Variants in MACROD2 observed in about 807,000 individuals in gnomAD.
MACROD2 encodes ADP-ribose glycohydrolase MACROD2.
Under a neutral mutation model 70.4 loss-of-function variants are expected in MACROD2, and 36 were observed. That is an observed-to-expected ratio of 0.51 (90% CI 0.39 to 0.68). The LOEUF (loss-of-function observed/expected upper bound fraction) is 0.68. Among genes scored for constraint, MACROD2 ranks in the 30% least tolerant of loss-of-function variants. The pLI is 0.00. For synonymous variants in MACROD2, 172 were observed against 178.8 expected (o/e 0.96, Z 0.30); for missense variants, 496 against 538.4 (o/e 0.92, Z 0.78).
chr20:14,274,836 A>T (rs2122373426), intron 3 of MACROD2, among the ~76,000 whole-genome samples: 1 of 151,172 alleles, frequency 6.6e-6, no homozygotes, highest in African/African-American at 2.4e-5. Context: ...AATCACAAGC[A>T]TTCTTATACA....
chr20:14,555,035 A>G (rs1054780358), intron 4 of MACROD2, among the ~76,000 whole-genome samples: 3 of 151,970 alleles, frequency 2.0e-5, no homozygotes, highest in African/African-American at 7.2e-5. Flanking sequence ...AATGAATAAG[A>G]CATACTGTTT....
intron 3 of MACROD2, among the ~76,000 whole-genome samples, chr20:14,189,538 TA>T (rs1286232058): frequency 6.6e-6 from 1 of 152,192 alleles, no homozygotes. Flanking sequence ...TTTAAGGTTA[TA>T]GGGGTTTAAA....
chr20:14,563,313 G>A (rs1057494711), intron 4 of MACROD2, among the ~76,000 whole-genome samples: 1 of 151,824 alleles, frequency 6.6e-6, no homozygotes, highest in African/African-American at 2.4e-5. Context: ...AATATGCAGG[G>A]GAGAAAGAAC....
chr20:15,754,739 T>A (rs1195867887), intron 8 of MACROD2, among the ~76,000 whole-genome samples: 2 of 151,636 alleles, frequency 1.3e-5, no homozygotes, highest in African/African-American at 4.8e-5. Context: ...AGTGGCATGT[T>A]GTTGCCCTGG....
chr20:15,988,425 T>G (rs926920488), intron 15 of MACROD2, among the ~76,000 whole-genome samples: 15 of 152,162 alleles, frequency 9.9e-5, no homozygotes, highest in African/African-American at 3.6e-4. Context: ...TTGTTGGCTC[T>G]GTTTATTGCA....
chr20:15,872,051 C>T (rs1265711985), intron 9 of MACROD2, among the ~76,000 whole-genome samples: 1 of 152,132 alleles, frequency 6.6e-6, no homozygotes, highest in Non-Finnish European at 1.5e-5. Flanking sequence ...AGCTCAAATC[C>T]TTTCCACTCC....
rs568153563 is a variant in MACROD2, at chr20:14,382,883, TA to T, written c.272-110588del. Among the ~76,000 whole-genome samples the T allele has an allele frequency of 2.6e-3, 402 of 151,990 alleles. 1 individual carries two copies. The highest frequency in any genetic ancestry group is 4.7e-3 in the Non-Finnish European group (320 of 67,916). ...GTAGTGCTATATTTGTTATCTTGCT[TA>T]AAAAAAATTGCATTTAACTGTCGTA... On this transcript the variant is annotated intron_variant, in intron 3 of 17. Transcript: ENST00000684519.
At chr20:15,722,951 T>C (rs551236137) in intron 8 of MACROD2, among the ~76,000 whole-genome samples, 2 of 152,312 alleles carry the variant, frequency 1.3e-5, no homozygotes, top group African/African-American at 4.8e-5. Flanking sequence ...TATCCAGTTG[T>C]CCCATTGATA....
intron 3 of MACROD2, among the ~76,000 whole-genome samples, chr20:14,210,340 G>A (rs903443141): frequency 6.6e-6 from 1 of 152,214 alleles, no homozygotes; most frequent in Non-Finnish European, 1.5e-5. Flanking sequence ...ATCCACATGT[G>A]CAGCTAAAAG....
chr20:14,996,687 T>C (rs1162404164), intron 5 of MACROD2, among the ~76,000 whole-genome samples: 2 of 152,024 alleles, frequency 1.3e-5, no homozygotes, highest in Non-Finnish European at 2.9e-5. Flanking sequence ...AATTTGTGCT[T>C]GGGAAAAGGA....
chr20:15,757,049 TGTCTC>T (rs528883920), intron 8 of MACROD2, among the ~76,000 whole-genome samples: 2 of 152,248 alleles, frequency 1.3e-5, no homozygotes, highest in South Asian at 4.1e-4. Context: ...GCATTGCTCT[TGTCTC>T]AGTTTCTTCA....
chr20:14,260,253 A>T (rs764082597), intron 3 of MACROD2, among the ~76,000 whole-genome samples: 1 of 152,192 alleles, frequency 6.6e-6, no homozygotes, highest in Non-Finnish European at 1.5e-5. Context: ...ATTTGTGTAT[A>T]GTGAGTATTT....
intron 7 of MACROD2, among the ~76,000 whole-genome samples, chr20:15,480,634 G>T (rs1031513969): frequency 1.3e-5 from 2 of 152,042 alleles, no homozygotes; most frequent in Non-Finnish European, 2.9e-5. Flanking sequence ...GTGTCATAGG[G>T]GTGGGAAGGA....
intron 6 of MACROD2, among the ~76,000 whole-genome samples, chr20:15,289,081 G>A (rs1324575724): frequency 2.0e-5 from 3 of 152,124 alleles, no homozygotes; most frequent in African/African-American, 7.2e-5. Flanking sequence ...CCAGGCCTGA[G>A]CCTGTGCCTG....
intron 13 of MACROD2, 76 bp downstream of exon 13, chr20:15,967,706 C>T (rs2066165297): frequency 1.0e-5 from 11 of 1,093,780 alleles, no homozygotes; most frequent in Non-Finnish European, 1.4e-5. Context: ...AAAAAACCCA[C>T]AGACTTGAAT....
chr20:14,585,906 A>G (rs1237281764), intron 4 of MACROD2, among the ~76,000 whole-genome samples: 18 of 152,154 alleles, frequency 1.2e-4, no homozygotes, highest in Admixed American at 1.1e-3. Context: ...ACCAACTGTT[A>G]TTAAGACCTT....
At chr20:14,652,376 G>T (rs1857240426) in intron 4 of MACROD2, among the ~76,000 whole-genome samples, 1 of 152,078 alleles carries the variant, frequency 6.6e-6, no homozygotes, top group Admixed American at 6.5e-5. Context: ...TGCAGCTTTT[G>T]TAGATACCAT....
chr20:14,428,420 G>T (rs1455578709), intron 3 of MACROD2, among the ~76,000 whole-genome samples: 1 of 152,092 alleles, frequency 6.6e-6, no homozygotes, highest in Non-Finnish European at 1.5e-5. Context: ...TTTTCGAATA[G>T]AAGTAGGAGA....
chr20:16,008,548 A>G (rs73237726), intron 15 of MACROD2, among the ~76,000 whole-genome samples: 17,019 of 152,222 alleles, frequency 0.11, 1,078 homozygotes, highest in Non-Finnish European at 0.13. Context: ...GTTTGCAGAC[A>G]GGTTGTTCTC....
Sources: gnomAD v4.1 joint callset for allele counts (sites outside exome capture counted in the v4.1 genomes callset) on GRCh38, gnomAD v4.1.1 for gene constraint, MANE v1.5 for transcripts, NCBI Gene and HGNC (gene_info 2026-07-23, HGNC 2026-07-21) for gene names.